Variants in RABGAP1L observed in about 807,000 individuals in gnomAD.
RABGAP1L encodes the protein RAB GTPase activating protein 1 like.
A neutral mutation model predicts 137.7 loss-of-function variants in RABGAP1L; 63 were observed. The ratio of observed to expected loss-of-function variants is 0.46; its 90% confidence interval spans 0.37 to 0.56. The LOEUF is 0.56. Ranked by LOEUF, RABGAP1L falls within the 20% of genes least tolerant of loss-of-function variation. RABGAP1L has a pLI of 0.00. For synonymous variants in RABGAP1L, 431 were observed against 433.7 expected (o/e 0.99, Z 0.08); for missense variants, 1,095 against 1,244.0 (o/e 0.88, Z 1.80).
intron 11 of RABGAP1L, among the ~76,000 whole-genome samples, chr1:174,323,134 A>C (rs1052917070): frequency 4.6e-5 from 7 of 152,132 alleles, no homozygotes; most frequent in Admixed American, 3.9e-4. Flanking sequence ...CGTCTGTCCT[A>C]CTATGTTTGA....
chr1:174,410,145 A>T (rs1571670471), intron 13 of RABGAP1L, among the ~76,000 whole-genome samples: 2 of 152,092 alleles, frequency 1.3e-5, no homozygotes, highest in East Asian at 1.9e-4. Context: ...GGTCCTACAG[A>T]TATGCTGTGT....
In RABGAP1L at chr1:174,384,527, GAA is replaced by G. The variant is rs35902523; in HGVS notation, c.1560-9458_1560-9457del. Among the ~76,000 whole-genome samples, 365 of 149,748 alleles carry G rather than the reference GAA, an allele frequency of 2.4e-3. 1 individual carries two copies. Among genetic ancestry groups the G allele is most frequent in the Middle Eastern group, 3.5e-3 (1 of 288 alleles). On this transcript the variant is annotated intron_variant, in intron 12 of 25. Coordinates refer to ENST00000681986, the MANE Select transcript of RABGAP1L (RefSeq NM_001366446.1). ...CTAAACCAAAAAAAAGGAAAAAAAGGAAAAAAAAAAAGAAATTTATGTCTTAT... is the reference window on the plus strand; with the variant it reads ...CTAAACCAAAAAAAAGGAAAAAAAGGAAAAAAAAAGAAATTTATGTCTTAT...
intron 19 of RABGAP1L, among the ~76,000 whole-genome samples, chr1:174,820,315 A>G (rs951900384): frequency 1.3e-5 from 2 of 152,112 alleles, no homozygotes; most frequent in Admixed American, 1.3e-4. Flanking sequence ...GGGAGTAGAG[A>G]AAGAGGTATC....
chr1:174,863,970 ACT>A (rs1650761891), intron 19 of RABGAP1L, among the ~76,000 whole-genome samples: 1 of 152,172 alleles, frequency 6.6e-6, no homozygotes, highest in Non-Finnish European at 1.5e-5. Context: ...ACAAAGCAAG[ACT>A]CTGTCACAGA....
chr1:174,548,245 C>G (rs1171513074), intron 13 of RABGAP1L: 1 of 1,400,846 alleles, frequency 7.1e-7, no homozygotes, highest in African/African-American at 1.4e-5. Context: ...GCCAAGTAAT[C>G]TAAGATTCTG....
At chr1:174,433,582 GAT>G (rs1652895739) in intron 13 of RABGAP1L, among the ~76,000 whole-genome samples, 1 of 152,138 alleles carries the variant, frequency 6.6e-6, no homozygotes, top group Non-Finnish European at 1.5e-5. Flanking sequence ...ACTGGCATTT[GAT>G]ATGTCTTTTC....
chr1:174,190,924 A>C (rs1328639306), intron 1 of RABGAP1L, among the ~76,000 whole-genome samples: 2 of 152,190 alleles, frequency 1.3e-5, no homozygotes, highest in African/African-American at 2.4e-5. Flanking sequence ...GTGTTTCAGG[A>C]ATAGGGAGGC....
intron 11 of RABGAP1L, among the ~76,000 whole-genome samples, chr1:174,324,079 A>G (rs1401894783): frequency 2.6e-5 from 4 of 152,200 alleles, no homozygotes; most frequent in African/African-American, 7.2e-5. Flanking sequence ...AGAAACATCA[A>G]CTGCTAGGAT....
chr1:174,584,890 T>C (rs1426407810), intron 13 of RABGAP1L, among the ~76,000 whole-genome samples: 1 of 152,022 alleles, frequency 6.6e-6, no homozygotes, highest in Non-Finnish European at 1.5e-5. Context: ...CAAAGGGAGC[T>C]AAGGTATAGG....
chr1:174,178,186 G>C (rs1285287060), intron 1 of RABGAP1L, among the ~76,000 whole-genome samples: 1 of 152,050 alleles, frequency 6.6e-6, no homozygotes, highest in Non-Finnish European at 1.5e-5. Flanking sequence ...TCCTTGAAGA[G>C]GTCCTTCATG....
At chr1:174,678,432 C>T (rs550740481) in intron 14 of RABGAP1L, among the ~76,000 whole-genome samples, 1 of 151,772 alleles carries the variant, frequency 6.6e-6, no homozygotes, top group African/African-American at 2.4e-5. Context: ...ACCAGTATTC[C>T]TCATAAAATA....
chr1:174,989,970 C>T lies in RABGAP1L; in HGVS notation c.3125C>T (p.Pro1042Leu), dbSNP rs1224875988. 12 of 1,548,756 alleles carry T rather than the reference C, an allele frequency of 7.7e-6. No individual in the cohort carries two copies. The highest frequency in any genetic ancestry group is 6.9e-5 in the African/African-American group (5 of 72,982). The change falls in exon 26 of 26, where the codon CCG (proline) becomes CTG (leucine). Residue 1042 changes from proline (P) to leucine (L), a missense_variant. Coordinates refer to ENST00000681986, the MANE Select transcript of RABGAP1L (RefSeq NM_001366446.1). ...ATGTQPLQPA[P>L]VTQPPKEST ...GGCACCCAGCCATTGCAGCCAGCAC[C>T]GGTCACCCAGCCACCCAAGGAGAGC...
At chr1:174,943,803 A>G (rs1666284979) in intron 19 of RABGAP1L, among the ~76,000 whole-genome samples, 2 of 152,038 alleles carry the variant, frequency 1.3e-5, no homozygotes, top group Admixed American at 6.6e-5. Context: ...ACTGCACTCC[A>G]GCCGGCGCGA....
intron 18 of RABGAP1L, among the ~76,000 whole-genome samples, chr1:174,776,247 G>A (rs1686516101): frequency 6.6e-6 from 1 of 152,094 alleles, no homozygotes; most frequent in African/African-American, 2.4e-5. Context: ...GGTGGCAGGT[G>A]CCTGTAATCC....
At chr1:174,175,292 T>C (rs1665740785) in intron 1 of RABGAP1L, among the ~76,000 whole-genome samples, 1 of 152,206 alleles carries the variant, frequency 6.6e-6, no homozygotes, top group Non-Finnish European at 1.5e-5. Flanking sequence ...ATGAACCATG[T>C]CGTCTTTTTG....
chr1:174,398,261 C>T (rs1337350097), intron 13 of RABGAP1L, among the ~76,000 whole-genome samples: 1 of 152,082 alleles, frequency 6.6e-6, no homozygotes, highest in East Asian at 1.9e-4. Context: ...TCTGGTAGAA[C>T]TCAATCTCTA....
intron 13 of RABGAP1L, among the ~76,000 whole-genome samples, chr1:174,493,348 A>G (rs555020349): frequency 1.3e-4 from 20 of 151,270 alleles, no homozygotes; most frequent in African/African-American, 4.9e-4. Flanking sequence ...GCAACAGAGC[A>G]GAGAAAAATA....
At chr1:174,590,467 A>G (rs1374083851) in intron 13 of RABGAP1L, among the ~76,000 whole-genome samples, 1 of 106,420 alleles carries the variant, frequency 9.4e-6, no homozygotes, top group Middle Eastern at 4.0e-3. Flanking sequence ...GTCATCTAGC[A>G]TTAGGTATAT....
intron 13 of RABGAP1L, among the ~76,000 whole-genome samples, chr1:174,624,241 G>T (rs1249477686): frequency 6.6e-6 from 1 of 152,102 alleles, no homozygotes; most frequent in Non-Finnish European, 1.5e-5. Context: ...CCCAGCCCAG[G>T]CCCCATCTCC....
Sources: gnomAD v4.1 joint callset for allele counts (sites outside exome capture counted in the v4.1 genomes callset) on GRCh38, gnomAD v4.1.1 for gene constraint, MANE v1.5 for transcripts, NCBI Gene and HGNC (gene_info 2026-07-23, HGNC 2026-07-21) for gene names.